The following CDH13 variants were observed in gnomAD, a reference collection of about 807,000 sequenced individuals.
CDH13 encodes cadherin 13.
In CDH13, 24 loss-of-function variants were observed where a neutral mutation model predicts 63.8. That is an observed-to-expected ratio of 0.38 (90% CI 0.27 to 0.53). The LOEUF is 0.53. Among genes scored for constraint, CDH13 ranks in the 20% least tolerant of loss-of-function variants. The pLI is 0.85. For synonymous variants in CDH13, 503 were observed against 355.3 expected (o/e 1.42, Z -4.67); for missense variants, 1,049 against 903.1 (o/e 1.16, Z -2.07).
At chr16:83,741,555 A>T (rs986488581) in intron 10 of CDH13, among the ~76,000 whole-genome samples, 1 of 151,996 alleles carries the variant, frequency 6.6e-6, no homozygotes, top group Non-Finnish European at 1.5e-5. Flanking sequence ...ATAGAGATAG[A>T]TCCATCTTCC....
chr16:83,624,242 G>A (rs1415062573), intron 8 of CDH13, among the ~76,000 whole-genome samples: 5 of 151,970 alleles, frequency 3.3e-5, no homozygotes, highest in Admixed American at 2.6e-4. Flanking sequence ...CTCTCTCCCA[G>A]ATCCAAATGC....
chr16:82,901,478 C>G (rs1401897640), intron 2 of CDH13, among the ~76,000 whole-genome samples: 2 of 151,666 alleles, frequency 1.3e-5, no homozygotes, highest in Non-Finnish European at 1.5e-5. Flanking sequence ...CCGTGTAAAG[C>G]TAAAACAGAA....
At chr16:83,098,036 G>T (rs1327189653) in intron 3 of CDH13, among the ~76,000 whole-genome samples, 1 of 152,154 alleles carries the variant, frequency 6.6e-6, no homozygotes, top group Admixed American at 6.5e-5. Context: ...CAGGAAAGAA[G>T]GCAAGTTAGG....
intron 4 of CDH13, among the ~76,000 whole-genome samples, chr16:83,178,282 C>G (rs12926833): frequency 6.6e-6 from 1 of 151,982 alleles, no homozygotes; most frequent in African/African-American, 2.4e-5. Context: ...CTACCAGCAG[C>G]CCTCCTCCGC....
intron 1 of CDH13, among the ~76,000 whole-genome samples, chr16:82,681,050 G>C (rs901431673): frequency 1.3e-5 from 2 of 152,216 alleles, no homozygotes; most frequent in Admixed American, 6.5e-5. Flanking sequence ...ATGAGAGCAG[G>C]TCTGTTCTGG....
intron 5 of CDH13, among the ~76,000 whole-genome samples, chr16:83,280,851 A>G (rs187122275): frequency 5.9e-5 from 9 of 152,362 alleles, no homozygotes; most frequent in African/African-American, 1.9e-4. Context: ...TATATTGTCA[A>G]TGAGCAGTAA....
chr16:82,949,026 T>C (rs1038842459), intron 2 of CDH13, among the ~76,000 whole-genome samples: 10 of 152,162 alleles, frequency 6.6e-5, no homozygotes, highest in Non-Finnish European at 1.5e-5. Flanking sequence ...TTTCAAATCT[T>C]TGGCAAATTA....
chr16:83,168,161 C>A (rs74535547), intron 4 of CDH13, among the ~76,000 whole-genome samples: 5 of 151,822 alleles, frequency 3.3e-5, no homozygotes, highest in Non-Finnish European at 5.9e-5. Flanking sequence ...ACCTAGGTAA[C>A]AAACCTGCAC....
chr16:83,034,244 C>T (rs1285124670), intron 3 of CDH13, among the ~76,000 whole-genome samples: 3 of 152,118 alleles, frequency 2.0e-5, no homozygotes, highest in Non-Finnish European at 4.4e-5. Context: ...GCTTCTGGAA[C>T]CTACTATCAA....
chr16:83,165,209 G>C (rs2037612641), intron 4 of CDH13, among the ~76,000 whole-genome samples: 1 of 152,094 alleles, frequency 6.6e-6, no homozygotes, highest in African/African-American at 2.4e-5. Flanking sequence ...CAAACGTCAA[G>C]TGGGGACATC....
chr16:83,456,872 G>A (rs953786806), intron 6 of CDH13, among the ~76,000 whole-genome samples: 1 of 152,218 alleles, frequency 6.6e-6, no homozygotes, highest in Non-Finnish European at 1.5e-5. Flanking sequence ...TGAGGCAGGA[G>A]AGTCACTTGA....
chr16:83,202,963 C>T (rs191665936), intron 4 of CDH13, among the ~76,000 whole-genome samples: 6 of 152,246 alleles, frequency 3.9e-5, no homozygotes, highest in East Asian at 1.9e-4. Flanking sequence ...CAGTGGCTCA[C>T]GCCTGTAATC....
chr16:83,364,150 G>T (rs1011945314), intron 6 of CDH13, among the ~76,000 whole-genome samples: 5 of 152,130 alleles, frequency 3.3e-5, no homozygotes, highest in Non-Finnish European at 7.3e-5. Context: ...TTCTCATGGG[G>T]ACCAAGCATC....
intron 5 of CDH13, among the ~76,000 whole-genome samples, chr16:83,240,717 C>CTTTTTTTTTTT (rs56753707): frequency 1.2e-5 from 1 of 81,658 alleles, no homozygotes; most frequent in Non-Finnish European, 2.0e-5. Context: ...CTGTCTTAAT[C>CTTTTTTTTTTT]TTTTTTTTTT....
At chr16:83,214,579 C>CAAAAAAAAAAAAAAAA (rs751124100) in intron 4 of CDH13, among the ~76,000 whole-genome samples, 1 of 39,780 alleles carries the variant, frequency 2.5e-5, no homozygotes, top group African/African-American at 8.8e-5. Context: ...GACTCTGTCT[C>CAAAAAAAAAAAAAAAA]AAAAAAAAAA....
chr16:83,145,046 T>G (rs1469720926), intron 4 of CDH13, among the ~76,000 whole-genome samples: 2 of 146,850 alleles, frequency 1.4e-5, no homozygotes, highest in South Asian at 2.2e-4. Context: ...CACTTGCCCT[T>G]GCAGACACAA....
intron 1 of CDH13, among the ~76,000 whole-genome samples, chr16:82,848,124 C>T (rs1005037196): frequency 6.6e-5 from 10 of 152,262 alleles, no homozygotes; most frequent in South Asian, 2.1e-4. Flanking sequence ...ATGTATTGCT[C>T]TTTGAGAAAG....
intron 1 of CDH13, among the ~76,000 whole-genome samples, chr16:82,755,564 C>T (rs1162438688): frequency 6.6e-6 from 1 of 152,228 alleles, no homozygotes; most frequent in Non-Finnish European, 1.5e-5. Flanking sequence ...GTAGCTTTCT[C>T]TCATTTCCTT....
chr16:83,247,539 C>T (rs1905094791), intron 5 of CDH13, among the ~76,000 whole-genome samples: 1 of 151,810 alleles, frequency 6.6e-6, no homozygotes. Flanking sequence ...GCATGTGATT[C>T]AGAATTAGAT....
Sources: gnomAD v4.1 joint callset for allele counts (sites outside exome capture counted in the v4.1 genomes callset) on GRCh38, gnomAD v4.1.1 for gene constraint, MANE v1.5 for transcripts, NCBI Gene and HGNC (gene_info 2026-07-23, HGNC 2026-07-21) for gene names.